NUP214: variants seen among roughly 807,000 people sequenced by gnomAD.
The protein encoded by NUP214 is nuclear pore complex protein Nup214.
In NUP214, 79 loss-of-function variants were observed where a neutral mutation model predicts 196.2. That is an observed-to-expected ratio of 0.40 (90% CI 0.34 to 0.49). NUP214 has a LOEUF of 0.49. Ranked by LOEUF, NUP214 falls within the 20% of genes least tolerant of loss-of-function variation. The pLI, the probability that NUP214 is intolerant of heterozygous loss-of-function variation, is 0.58. For synonymous variants in NUP214, 1,020 were observed against 990.5 expected (o/e 1.03, Z -0.56); for missense variants, 2,468 against 2,539.0 (o/e 0.97, Z 0.60).
chr9:131,201,738 A>G (rs747527667), intron 30 of NUP214, 21 bp downstream of exon 30: 30 of 1,595,678 alleles, frequency 1.9e-5, no homozygotes, highest in Non-Finnish European at 2.4e-5. Context: ...ATTTGTCTTC[A>G]TTCACGTCAA....
chr9:131,177,547 T>A (rs1833152333), intron 23 of NUP214, among the ~76,000 whole-genome samples: 1 of 152,186 alleles, frequency 6.6e-6, no homozygotes, highest in African/African-American at 2.4e-5. Flanking sequence ...GATGTTCTGG[T>A]CACTTCTTTG....
At chr9:131,138,601 G>A (rs982551941) in intron 9 of NUP214, among the ~76,000 whole-genome samples, 1 of 152,174 alleles carries the variant, frequency 6.6e-6, no homozygotes, top group Admixed American at 6.5e-5. Flanking sequence ...TAGGCAAAAT[G>A]TTAGTGATTT....
chr9:131,178,242 A>AT, intron 23 of NUP214, 69 bp from the exon 24 acceptor site: 1 of 1,250,438 alleles, frequency 8.0e-7, no homozygotes, highest in Non-Finnish European at 1.2e-6. Context: ...TTTTTCATTT[A>AT]TATGTGGCTA....
rs1428598301 is a variant in NUP214, at chr9:131,174,313, C to A, written c.3152C>A (p.Thr1051Asn). ...GGTTCTTCACCTGGTGTGATGGGAACTTCAGGTAAGTAAACAGTGGGAAAG... is the reference window on the plus strand; with the variant it reads ...GGTTCTTCACCTGGTGTGATGGGAAATTCAGGTAAGTAAACAGTGGGAAAG... ...VHGSSPGVMG[T>N]SVATSASKII... The change falls in exon 22 of 36, where the codon ACT (threonine) becomes AAT (asparagine). Residue 1051 changes from threonine to asparagine, a missense_variant. Transcript: ENST00000359428. The A allele has an allele frequency of 6.2e-7, 1 of 1,608,282 alleles. No homozygotes were observed. Among genetic ancestry groups the A allele is most frequent in the South Asian group, 1.1e-5 (1 of 89,966 alleles).
At chr9:131,174,407 C>A in intron 22 of NUP214, 89 bp downstream of exon 22, 6 of 1,124,104 alleles carry the variant, frequency 5.3e-6, no homozygotes, top group South Asian at 1.6e-5. Flanking sequence ...ACTGTCACAC[C>A]AATATGGTGG....
chr9:131,168,709 G>A (rs1832857455), intron 21 of NUP214, among the ~76,000 whole-genome samples: 1 of 152,144 alleles, frequency 6.6e-6, no homozygotes, highest in Non-Finnish European at 1.5e-5. Flanking sequence ...GTATTCCACT[G>A]TATAGATATA....
intron 27 of NUP214, among the ~76,000 whole-genome samples, chr9:131,193,089 T>A (rs1387809632): frequency 2.0e-5 from 3 of 150,556 alleles, no homozygotes; most frequent in African/African-American, 2.5e-5. Flanking sequence ...CTTTAAAAAA[T>A]AATAATAATA....
At chr9:131,134,459 A>G (rs565462957) in intron 7 of NUP214, among the ~76,000 whole-genome samples, 5 of 152,316 alleles carry the variant, frequency 3.3e-5, no homozygotes, top group South Asian at 2.1e-4. Context: ...ATGTTTATCT[A>G]GATGCCTTAT....
intron 24 of NUP214, among the ~76,000 whole-genome samples, chr9:131,180,011 G>A (rs991979240): frequency 3.3e-5 from 5 of 152,162 alleles, no homozygotes; most frequent in Non-Finnish European, 5.9e-5. Flanking sequence ...GATATATTAG[G>A]TGCTAACCAT....
chr9:131,159,126 C>A, intron 17 of NUP214: 1 of 463,472 alleles, frequency 2.2e-6, no homozygotes, highest in Non-Finnish European at 3.8e-6. Flanking sequence ...GTTGCCCAGG[C>A]TGATCTTTAA....
chr9:131,160,029 A>G (rs1832582969), intron 18 of NUP214, among the ~76,000 whole-genome samples: 1 of 152,138 alleles, frequency 6.6e-6, no homozygotes, highest in Non-Finnish European at 1.5e-5. Context: ...ATTCAGCCTA[A>G]TTATCTAAAG....
At chr9:131,175,270 G>T (rs914409477) in intron 22 of NUP214, among the ~76,000 whole-genome samples, 190 bp from the exon 23 acceptor site, 3 of 152,176 alleles carry the variant, frequency 2.0e-5, no homozygotes, top group African/African-American at 7.2e-5. Context: ...TCTTAGTAGA[G>T]GTGGGTAGGC....
intron 16 of NUP214, 136 bp downstream of exon 16, chr9:131,150,901 T>A (rs1564186360): frequency 6.1e-6 from 5 of 816,314 alleles, no homozygotes; most frequent in Non-Finnish European, 9.6e-6. Flanking sequence ...CTGAGTAGCT[T>A]GCCTAGAATC....
At chr9:131,182,221 A>C (rs11244310) in intron 24 of NUP214, among the ~76,000 whole-genome samples, 44,990 of 152,204 alleles carry the variant, frequency 0.3, 6,756 homozygotes, top group East Asian at 0.42. Context: ...TACCACAATA[A>C]ACAAAAATAA....
chr9:131,127,408 C>T (rs1831396308), intron 1 of NUP214, 116 bp from the exon 2 acceptor site: 1 of 784,910 alleles, frequency 1.3e-6, no homozygotes. Flanking sequence ...ACAATTGAGA[C>T]AGACCTTGGT....
chr9:131,164,012 T>C (rs757187743), intron 20 of NUP214, 49 bp from the exon 21 acceptor site: 40 of 1,612,632 alleles, frequency 2.5e-5, no homozygotes, highest in Non-Finnish European at 3.2e-5. Context: ...AGTACTGATA[T>C]CTTAAAAACT....
intron 32 of NUP214, among the ~76,000 whole-genome samples, chr9:131,225,961 G>A (rs1203792964): frequency 1.3e-5 from 2 of 152,144 alleles, no homozygotes; most frequent in African/African-American, 4.8e-5. Context: ...ATGGTCAGTG[G>A]TCTACACCCT....
Position 131,197,929 on chromosome 9 carries a change from T to C in NUP214, c.4435T>C (p.Ser1479Pro). 1 of 1,614,104 alleles carries C rather than the reference T, an allele frequency of 6.2e-7. No homozygotes were observed. Among genetic ancestry groups the C allele is most frequent in the East Asian group, 2.2e-5 (1 of 44,880 alleles). ...PTLSFGSLLSSATTPSLPMSA... is the reference protein window; with the variant it reads ...PTLSFGSLLSPATTPSLPMSA... ...ATTGTCATTTGGTAGCCTCCTGAGT[T>C]CAGCAACTACCCCCTCCCTGCCTAT... Residue 1479 changes from serine to proline, a missense_variant, in exon 29 of 36, where the codon TCA (serine) becomes CCA (proline). Around this residue, in one of 5 missense-constraint regions of NUP214, gnomAD observed 1,801 missense variants for 1,779.4 expected, o/e 1.01. Transcript: ENST00000359428.
chr9:131,157,708 T>C (rs1038523723), intron 17 of NUP214, among the ~76,000 whole-genome samples: 2 of 151,998 alleles, frequency 1.3e-5, no homozygotes, highest in African/African-American at 4.8e-5. Flanking sequence ...TGCAGTGGCA[T>C]GATCTCAGCT....
Sources: gnomAD v4.1 joint callset for allele counts (sites outside exome capture counted in the v4.1 genomes callset) on GRCh38, gnomAD v4.1.1 for gene constraint, gnomAD v4.1.1 regional missense constraint, MANE v1.5 for transcripts, NCBI Gene and HGNC (gene_info 2026-07-23, HGNC 2026-07-21) for gene names.